The following IL1RAPL1 variants were observed in gnomAD, a reference collection of about 807,000 sequenced individuals.
IL1RAPL1 encodes interleukin 1 receptor accessory protein like 1.
IL1RAPL1 carries 3 observed loss-of-function variants against 48.4 expected under a neutral mutation model. The ratio of observed to expected loss-of-function variants is 0.06; its 90% CI spans 0.03 to 0.16. The LOEUF is 0.16. Among genes scored for constraint, IL1RAPL1 ranks in the 10% least tolerant of loss-of-function variants. IL1RAPL1 has a pLI of 1.00. For synonymous variants in IL1RAPL1, 185 were observed against 187.7 expected (o/e 0.99, Z 0.12); for missense variants, 349 against 530.6 (o/e 0.66, Z 3.36).
chrX:29,264,009 C>A (rs1602142066), intron 2 of IL1RAPL1, among the ~76,000 whole-genome samples: 1 of 110,739 alleles, frequency 9.0e-6, no homozygotes, highest in Admixed American at 9.7e-5. Flanking sequence ...TTTCTAAAAT[C>A]TTTTAAAGTA....
At chrX:29,289,794 C>G (rs994610393) in intron 3 of IL1RAPL1, among the ~76,000 whole-genome samples, 2 of 112,290 alleles carry the variant, frequency 1.8e-5, no homozygotes, top group African/African-American at 6.5e-5. Flanking sequence ...AAAATTTTAA[C>G]TAAGTATTTC....
chrX:29,886,103 A>C (rs1047076526), intron 6 of IL1RAPL1, among the ~76,000 whole-genome samples: 1 of 112,087 alleles, frequency 8.9e-6, no homozygotes, highest in Admixed American at 9.5e-5. Context: ...CACATGGAAA[A>C]TTAAGCATGT....
chrX:28,984,339 G>T (rs1014223693), intron 2 of IL1RAPL1, among the ~76,000 whole-genome samples: 2 of 111,783 alleles, frequency 1.8e-5, no homozygotes, highest in African/African-American at 6.5e-5. Context: ...TGTTAAGACT[G>T]TAATTCACAC....
At chrX:29,225,567 G>A (rs1003085008) in intron 2 of IL1RAPL1, among the ~76,000 whole-genome samples, 1 of 112,149 alleles carries the variant, frequency 8.9e-6, no homozygotes, top group African/African-American at 3.2e-5. Context: ...ATAGGAGAGA[G>A]TTTCATCTCA....
At chrX:29,305,805 C>T (rs1229174580) in intron 3 of IL1RAPL1, among the ~76,000 whole-genome samples, 1 of 111,488 alleles carries the variant, frequency 9.0e-6, no homozygotes, top group East Asian at 2.8e-4. Flanking sequence ...GGAAATATTG[C>T]ATCAAAGGGT....
intron 6 of IL1RAPL1, among the ~76,000 whole-genome samples, chrX:29,741,900 G>A (rs1196189305): frequency 2.1e-5 from 2 of 96,642 alleles, no homozygotes; most frequent in East Asian, 6.4e-4. Context: ...ACTCCAGCCT[G>A]GGCAATAGAG....
At chrX:29,613,495 T>C (rs959026785) in intron 5 of IL1RAPL1, among the ~76,000 whole-genome samples, 4 of 110,897 alleles carry the variant, frequency 3.6e-5, no homozygotes, top group Admixed American at 9.6e-5. Flanking sequence ...CAATAACAAT[T>C]CGATCCCTCC....
intron 5 of IL1RAPL1, among the ~76,000 whole-genome samples, chrX:29,517,799 C>T (rs1305665271): frequency 8.9e-6 from 1 of 111,860 alleles, no homozygotes; most frequent in Non-Finnish European, 1.9e-5. Context: ...ATCTAGTAAT[C>T]ATTGGGCAGG....
intron 1 of IL1RAPL1, among the ~76,000 whole-genome samples, chrX:28,634,610 T>A (rs1254478094): frequency 9.1e-6 from 1 of 110,310 alleles, no homozygotes; most frequent in African/African-American, 3.3e-5. Flanking sequence ...TAAGTAATTT[T>A]GAAATTAAGT....
intron 2 of IL1RAPL1, among the ~76,000 whole-genome samples, chrX:29,002,057 G>A (rs897055202): frequency 3.7e-5 from 4 of 108,960 alleles, no homozygotes; most frequent in Non-Finnish European, 5.7e-5. Context: ...CACTATGTCC[G>A]GCTAATTTTT....
intron 5 of IL1RAPL1, among the ~76,000 whole-genome samples, chrX:29,405,389 CAG>C (rs1472627119): frequency 5.7e-5 from 5 of 87,874 alleles, no homozygotes; most frequent in African/African-American, 2.1e-4. Flanking sequence ...TTTTTTGAGA[CAG>C]AGTCTCGCTC....
intron 6 of IL1RAPL1, among the ~76,000 whole-genome samples, chrX:29,700,068 C>G (rs998026626): frequency 2.7e-5 from 3 of 110,770 alleles, no homozygotes; most frequent in Non-Finnish European, 3.8e-5. Flanking sequence ...TCTGTTTTCT[C>G]TTCTTTAAAA....
intron 5 of IL1RAPL1, among the ~76,000 whole-genome samples, chrX:29,481,551 C>T (rs1935042486): frequency 8.9e-6 from 1 of 111,938 alleles, no homozygotes; most frequent in Non-Finnish European, 1.9e-5. Flanking sequence ...GTTGTATAAG[C>T]CTTGCACAGC....
intron 5 of IL1RAPL1, among the ~76,000 whole-genome samples, chrX:29,625,989 G>C (rs895794894): frequency 9.0e-6 from 1 of 111,409 alleles, no homozygotes; most frequent in Non-Finnish European, 1.9e-5. Context: ...CCCTGCTCCC[G>C]TCTTAAATTT....
intron 6 of IL1RAPL1, among the ~76,000 whole-genome samples, chrX:29,767,990 TC>T (rs1928956963): frequency 8.9e-6 from 1 of 111,823 alleles, no homozygotes; most frequent in Non-Finnish European, 1.9e-5. Context: ...TATCAAGTCT[TC>T]CAAGCTTTTA....
At chrX:28,955,165 C>T (rs76522087) in intron 2 of IL1RAPL1, among the ~76,000 whole-genome samples, 1 of 111,398 alleles carries the variant, frequency 9.0e-6, no homozygotes, top group African/African-American at 3.3e-5. Flanking sequence ...GAAATATAGA[C>T]TCCTACTAGC....
At chrX:29,718,667 G>A (rs939456979) in intron 6 of IL1RAPL1, among the ~76,000 whole-genome samples, 2 of 109,633 alleles carry the variant, frequency 1.8e-5, no homozygotes, top group Non-Finnish European at 3.8e-5. Flanking sequence ...GATCCCATGG[G>A]GACCTCTGCA....
chrX:28,942,654 A>AGT (rs1231820716), intron 2 of IL1RAPL1: 22 of 106,705 alleles, frequency 2.1e-4, no homozygotes, highest in African/African-American at 7.1e-4. Context: ...TAATAGTAAA[A>AGT]AAAAAAAAAA....
At chrX:29,805,809 G>C (rs1930242017) in intron 6 of IL1RAPL1, among the ~76,000 whole-genome samples, 1 of 110,476 alleles carries the variant, frequency 9.1e-6, no homozygotes, top group Admixed American at 9.8e-5. Context: ...AATGAGAAAA[G>C]AAGACAAGGA....
Sources: gnomAD v4.1 joint callset for allele counts (sites outside exome capture counted in the v4.1 genomes callset) on GRCh38, gnomAD v4.1.1 for gene constraint, MANE v1.5 for transcripts, NCBI Gene and HGNC (gene_info 2026-07-23, HGNC 2026-07-21) for gene names.